Variants in RSRC1 observed in about 807,000 individuals in gnomAD.
The protein encoded by RSRC1 is arginine and serine rich coiled-coil 1, also known as serine/Arginine-related protein 53.
RSRC1 carries 39 observed loss-of-function variants against 49.1 expected under a neutral mutation model. The ratio of observed to expected loss-of-function variants is 0.79; its 90% confidence interval spans 0.61 to 1.04. The LOEUF is 1.04. Ranked by LOEUF, RSRC1 falls within the 50% of genes least tolerant of loss-of-function variation. The probability of loss-of-function intolerance (pLI) is 0.00; values close to 1 mark genes in which losing one functional copy is unlikely to be tolerated. For synonymous variants in RSRC1, 143 were observed against 130.8 expected (o/e 1.09, Z -0.63); for missense variants, 388 against 402.4 (o/e 0.96, Z 0.31).
intron 7 of RSRC1, among the ~76,000 whole-genome samples, chr3:158,466,131 C>G (rs976727704): frequency 3.3e-5 from 5 of 152,144 alleles, no homozygotes; most frequent in Admixed American, 3.3e-4. Flanking sequence ...TTCTCAGTTT[C>G]AGCGATTCCA....
chr3:158,455,362 G>T (rs1035654095), intron 6 of RSRC1, among the ~76,000 whole-genome samples: 1 of 151,948 alleles, frequency 6.6e-6, no homozygotes, highest in Non-Finnish European at 1.5e-5. Flanking sequence ...TTTCTGAAAC[G>T]GCATGAGTCG....
intron 4 of RSRC1, among the ~76,000 whole-genome samples, chr3:158,232,551 A>G (rs146049221): frequency 3.4e-4 from 52 of 152,336 alleles, no homozygotes; most frequent in African/African-American, 1.2e-3. Flanking sequence ...ACAAGTATAT[A>G]GAACCTTGGG....
chr3:158,228,865 A>ATGTATATAAACACATACGTGTATATG (rs1395768176), intron 4 of RSRC1, among the ~76,000 whole-genome samples: 38,312 of 60,030 alleles, frequency 0.64, 18,208 homozygotes, highest in African/African-American at 0.67. Context: ...ACGTGTATAT[A>ATGTATATAAACACATACGTGTATATG]TGTATATAAA....
chr3:158,170,120 T>C (rs1718786281), intron 3 of RSRC1, among the ~76,000 whole-genome samples: 1 of 152,138 alleles, frequency 6.6e-6, no homozygotes, highest in South Asian at 2.1e-4. Flanking sequence ...AATAATAAAA[T>C]AAAATCTCAA....
chr3:158,518,399 A>C (rs1389452464), intron 7 of RSRC1, among the ~76,000 whole-genome samples: 1 of 149,400 alleles, frequency 6.7e-6, no homozygotes, highest in Non-Finnish European at 1.5e-5. Flanking sequence ...CAAATGATTC[A>C]ATTTCTTTAT....
intron 5 of RSRC1, among the ~76,000 whole-genome samples, chr3:158,335,807 G>GT (rs201510374): frequency 2.8e-3 from 428 of 151,770 alleles, no homozygotes; most frequent in African/African-American, 1.0e-2. Flanking sequence ...TTGGTGTTTT[G>GT]TTTTTTTTCC....
chr3:158,196,524 CT>C (rs1720629591), intron 3 of RSRC1, among the ~76,000 whole-genome samples: 1 of 152,146 alleles, frequency 6.6e-6, no homozygotes, highest in Admixed American at 6.6e-5. Flanking sequence ...CTGGCCAGAA[CT>C]TCTAACACTA....
At chr3:158,515,526 T>G (rs1037359626) in intron 7 of RSRC1, among the ~76,000 whole-genome samples, 1 of 136,574 alleles carries the variant, frequency 7.3e-6, no homozygotes, top group African/African-American at 2.9e-5. Context: ...CTGGCTGCCC[T>G]TAACATTTTT....
chr3:158,193,458 A>G (rs549308427), intron 3 of RSRC1, among the ~76,000 whole-genome samples: 1 of 152,218 alleles, frequency 6.6e-6, no homozygotes, highest in Non-Finnish European at 1.5e-5. Context: ...ATTAATGTTT[A>G]AACTAACTCA....
intron 1 of RSRC1, among the ~76,000 whole-genome samples, chr3:158,113,607 T>C (rs1161762475): frequency 6.6e-6 from 1 of 152,036 alleles, no homozygotes; most frequent in East Asian, 1.9e-4. Context: ...GACCTCGTGA[T>C]CCACCCCCCT....
chr3:158,538,349 A>T lies in RSRC1; in HGVS notation c.759+1151A>T, dbSNP rs73877219. 2.2e-3 allele frequency among the ~76,000 whole-genome samples: 340 copies of T among 151,964 alleles called. 1 individual carries two copies. Among genetic ancestry groups the T allele is most frequent in the African/African-American group, 7.5e-3 (311 of 41,538 alleles). ...TTTGTTGATTTCCTTTGAACTTTTGATAGTTTGCCACCACAACTCCTAAAA... is the reference window on the plus strand; with the variant it reads ...TTTGTTGATTTCCTTTGAACTTTTGTTAGTTTGCCACCACAACTCCTAAAA... On this transcript the variant is annotated intron_variant, in intron 8 of 9. Coordinates refer to ENST00000611884, the MANE Select transcript of RSRC1 (RefSeq NM_001271838.2).
At chr3:158,219,864 G>A (rs985309446) in intron 4 of RSRC1, among the ~76,000 whole-genome samples, 6 of 151,566 alleles carry the variant, frequency 4.0e-5, no homozygotes, top group Admixed American at 1.3e-4. Flanking sequence ...GAGACACTAA[G>A]GATAGAATTT....
At chr3:158,470,100 T>C (rs1349207859) in intron 7 of RSRC1, among the ~76,000 whole-genome samples, 1 of 152,006 alleles carries the variant, frequency 6.6e-6, no homozygotes, top group Non-Finnish European at 1.5e-5. Flanking sequence ...AATTACTGAT[T>C]ACATGCTAAT....
intron 4 of RSRC1, among the ~76,000 whole-genome samples, chr3:158,291,694 A>T (rs1436305432): frequency 6.6e-6 from 1 of 152,196 alleles, no homozygotes; most frequent in Admixed American, 6.5e-5. Context: ...CATCAGAAAG[A>T]ATAGTATTTT....
intron 6 of RSRC1, among the ~76,000 whole-genome samples, chr3:158,422,806 T>A (rs1381295043): frequency 1.3e-5 from 2 of 149,026 alleles, no homozygotes; most frequent in South Asian, 2.2e-4. Flanking sequence ...TGGTTTTGAT[T>A]TGCGTTTCTC....
intron 3 of RSRC1, chr3:158,136,602 ATTTC>A (rs1716391509): frequency 6.7e-6 from 1 of 150,312 alleles, no homozygotes; most frequent in South Asian, 2.1e-4. Context: ...ATTTTATACT[ATTTC>A]TTTTAGGTGA....
intron 3 of RSRC1, among the ~76,000 whole-genome samples, chr3:158,199,578 G>A (rs1720903574): frequency 6.6e-6 from 1 of 151,730 alleles, no homozygotes; most frequent in African/African-American, 2.4e-5. Flanking sequence ...TCTTCATTTT[G>A]TAGCTTCTTC....
intron 4 of RSRC1, among the ~76,000 whole-genome samples, chr3:158,230,681 T>C (rs1021074365): frequency 2.6e-5 from 4 of 152,162 alleles, no homozygotes; most frequent in African/African-American, 4.8e-5. Context: ...TACAGAATTA[T>C]AATATTTTTG....
intron 1 of RSRC1, among the ~76,000 whole-genome samples, chr3:158,111,377 G>A (rs1021615948): frequency 4.6e-5 from 7 of 152,230 alleles, no homozygotes; most frequent in African/African-American, 1.7e-4. Flanking sequence ...AATTGGCCTT[G>A]CCAACTCAAC....
Sources: gnomAD v4.1 joint callset for allele counts (sites outside exome capture counted in the v4.1 genomes callset) on GRCh38, gnomAD v4.1.1 for gene constraint, MANE v1.5 for transcripts, NCBI Gene and HGNC (gene_info 2026-07-23, HGNC 2026-07-21) for gene names.